Variants in ADAMTSL1 observed in about 807,000 individuals in gnomAD.
ADAMTSL1 encodes the protein ADAMTS-like protein 1.
In ADAMTSL1, 126 loss-of-function variants were observed where a neutral mutation model predicts 201.8. The observed-to-expected ratio is 0.62, with a 90% CI of 0.54 to 0.72. ADAMTSL1 has a LOEUF of 0.72. Among genes scored for constraint, ADAMTSL1 ranks in the 30% least tolerant of loss-of-function variants. ADAMTSL1 has a pLI of 0.00. For missense variants in ADAMTSL1, 2,679 were observed against 2,277.8 expected (o/e 1.18, Z -3.59); for synonymous variants, 1,121 against 903.4 (o/e 1.24, Z -4.32).
At chr9:18,070,705 C>T (rs1039676228) in intron 1 of ADAMTSL1, among the ~76,000 whole-genome samples, 5 of 152,020 alleles carry the variant, frequency 3.3e-5, no homozygotes, top group Non-Finnish European at 5.9e-5. Flanking sequence ...AGTCTTATAG[C>T]CAAACCAGAA....
At chr9:18,604,128 C>T (rs1824853355) in intron 4 of ADAMTSL1, among the ~76,000 whole-genome samples, 1 of 152,230 alleles carries the variant, frequency 6.6e-6, no homozygotes, top group African/African-American at 2.4e-5. Context: ...CAGCCTAAAA[C>T]TTTCCTAAAT....
At chr9:18,337,828 C>A (rs1349206278) in intron 2 of ADAMTSL1, among the ~76,000 whole-genome samples, 1 of 152,094 alleles carries the variant, frequency 6.6e-6, no homozygotes, top group Admixed American at 6.5e-5. Flanking sequence ...TCTGGAGACA[C>A]AATACTGAAG....
At chr9:18,054,381 C>G (rs1382812928) in intron 1 of ADAMTSL1, among the ~76,000 whole-genome samples, 1 of 152,190 alleles carries the variant, frequency 6.6e-6, no homozygotes, top group Non-Finnish European at 1.5e-5. Flanking sequence ...CTATGCCTAA[C>G]AAAATGGATT....
rs770219165 is a variant in ADAMTSL1, at chr9:18,887,813, C to T, written c.4250-18C>T. The T allele has an allele frequency of 6.2e-7, 1 of 1,607,764 alleles. No individual in the cohort carries two copies. Among genetic ancestry groups the T allele is most frequent in the East Asian group, 2.2e-5 (1 of 44,836 alleles). ...CTTATGGCTTTACTAAGGCTTACTT[C>T]TTTTCCTCTCCTTCTAGGCTGCCCC... On this transcript the variant is annotated intron_variant, in intron 23 of 28. Transcript: ENST00000380548.
intron 23 of ADAMTSL1, among the ~76,000 whole-genome samples, chr9:18,854,863 A>G (rs970959230): frequency 6.6e-6 from 1 of 152,196 alleles, no homozygotes; most frequent in Non-Finnish European, 1.5e-5. Flanking sequence ...TCAAAATGCA[A>G]TCTAATATTC....
At chr9:18,604,028 C>G (rs1384693034) in intron 4 of ADAMTSL1, among the ~76,000 whole-genome samples, 2 of 152,184 alleles carry the variant, frequency 1.3e-5, no homozygotes, top group East Asian at 3.9e-4. Flanking sequence ...ATATTTATCC[C>G]TATGCATTTG....
chr9:18,317,468 C>T (rs989481973), intron 2 of ADAMTSL1, among the ~76,000 whole-genome samples: 1 of 151,916 alleles, frequency 6.6e-6, no homozygotes. Flanking sequence ...GATGAGTTAG[C>T]TAATTTGATT....
intron 23 of ADAMTSL1, among the ~76,000 whole-genome samples, chr9:18,839,288 G>T (rs11795248): frequency 0.092 from 13,798 of 149,608 alleles, 825 homozygotes; most frequent in East Asian, 0.22. Flanking sequence ...GCGGTGTTTG[G>T]TTTTTTGTCT....
intron 23 of ADAMTSL1, among the ~76,000 whole-genome samples, chr9:18,833,315 C>T (rs766845520): frequency 2.0e-5 from 3 of 152,218 alleles, no homozygotes; most frequent in Non-Finnish European, 2.9e-5. Flanking sequence ...AATTTACACT[C>T]CCACCAACAG....
At chr9:18,509,437 TA>T (rs1231169426) in intron 2 of ADAMTSL1, among the ~76,000 whole-genome samples, 1 of 152,158 alleles carries the variant, frequency 6.6e-6, no homozygotes, top group African/African-American at 2.4e-5. Flanking sequence ...TAATGCTGCA[TA>T]AAAACCACTA....
intron 7 of ADAMTSL1, among the ~76,000 whole-genome samples, chr9:18,655,806 TAAAAAAAAAAAAAAAAAAA>T (rs56662538): frequency 3.7e-5 from 3 of 81,848 alleles, no homozygotes; most frequent in Middle Eastern, 7.8e-3. Flanking sequence ...TTTGTGAGCT[TAAAAAAAAAAAAAAAAAAA>T]AAAAAAAAAA....
chr9:18,879,247 T>C (rs1828372744), intron 23 of ADAMTSL1, among the ~76,000 whole-genome samples: 1 of 152,198 alleles, frequency 6.6e-6, no homozygotes, highest in South Asian at 2.1e-4. Context: ...CATTCGAACA[T>C]AAATGAACCT....
chr9:18,633,638 C>CTTTTTT (rs58807960), intron 5 of ADAMTSL1, among the ~76,000 whole-genome samples: 1 of 123,792 alleles, frequency 8.1e-6, no homozygotes. Context: ...CTAATCTTAA[C>CTTTTTT]TTTTTTTTTT....
intron 7 of ADAMTSL1, among the ~76,000 whole-genome samples, chr9:18,645,867 TG>T (rs1827777894): frequency 8.6e-6 from 1 of 116,500 alleles, no homozygotes; most frequent in Non-Finnish European, 1.8e-5. Context: ...GACTTGGCGA[TG>T]TGGGCTCTTT....
At chr9:18,820,413 GAAA>G (rs1449411113) in intron 21 of ADAMTSL1, among the ~76,000 whole-genome samples, 1 of 152,128 alleles carries the variant, frequency 6.6e-6, no homozygotes, top group Non-Finnish European at 1.5e-5. Context: ...AGAAAACACA[GAAA>G]AATTTAAGAG....
At chr9:18,664,137 C>T (rs561910032) in intron 9 of ADAMTSL1, among the ~76,000 whole-genome samples, 2 of 152,126 alleles carry the variant, frequency 1.3e-5, no homozygotes, top group African/African-American at 4.8e-5. Context: ...AAAATTAAGA[C>T]TTAGCAGTAG....
At chr9:18,567,889 G>T (rs1822026511) in intron 3 of ADAMTSL1, among the ~76,000 whole-genome samples, 1 of 152,060 alleles carries the variant, frequency 6.6e-6, no homozygotes, top group Non-Finnish European at 1.5e-5. Context: ...ATTATTGATA[G>T]AATTTTTCTA....
chr9:18,786,295 C>T (rs1332649194), intron 19 of ADAMTSL1, among the ~76,000 whole-genome samples: 1 of 152,142 alleles, frequency 6.6e-6, no homozygotes, highest in East Asian at 1.9e-4. Flanking sequence ...CCAGCTTATC[C>T]TCCCCAACCC....
At chr9:18,294,757 A>G (rs941376815) in intron 2 of ADAMTSL1, among the ~76,000 whole-genome samples, 4 of 152,176 alleles carry the variant, frequency 2.6e-5, no homozygotes, top group East Asian at 1.9e-4. Context: ...ATTTTTCAGA[A>G]TAAAGTCACA....
Sources: allele counts gnomAD v4.1 joint callset (sites outside exome capture counted in the v4.1 genomes callset), GRCh38; gene constraint gnomAD v4.1.1; transcripts MANE v1.5; gene names NCBI Gene and HGNC (gene_info 2026-07-23, HGNC 2026-07-21).